The following THRB variants were observed in gnomAD, a reference collection of about 807,000 sequenced individuals.
THRB encodes the protein nuclear receptor subfamily 1 group A member 2.
THRB carries 12 observed loss-of-function variants against 47.8 expected under a neutral mutation model. The ratio of observed to expected loss-of-function variants is 0.25; its 90% CI spans 0.16 to 0.41. The LOEUF (loss-of-function observed/expected upper bound fraction) is 0.41, where lower values mean the gene tolerates loss of function less well. Among genes scored for constraint, THRB ranks in the 10% least tolerant of loss-of-function variants. The pLI, the probability that THRB is intolerant of heterozygous loss-of-function variation, is 1.00. For synonymous variants in THRB, 218 were observed against 212.2 expected (o/e 1.03, Z -0.24); for missense variants, 348 against 589.2 (o/e 0.59, Z 4.24).
At chr3:24,357,030 G>A (rs1166640019) in intron 1 of THRB, among the ~76,000 whole-genome samples, 6 of 151,652 alleles carry the variant, frequency 4.0e-5, no homozygotes, top group Non-Finnish European at 8.8e-5. Flanking sequence ...ACCTAGCCAT[G>A]ATTCTCGGTG....
chr3:24,181,641 A>C (rs2041908084), intron 5 of THRB, among the ~76,000 whole-genome samples: 1 of 152,222 alleles, frequency 6.6e-6, no homozygotes, highest in Non-Finnish European at 1.5e-5. Flanking sequence ...TTGTCTTTAG[A>C]GCCTTGACAA....
intron 1 of THRB, among the ~76,000 whole-genome samples, chr3:24,366,155 T>C (rs1026774601): frequency 2.6e-5 from 4 of 152,212 alleles, no homozygotes; most frequent in African/African-American, 9.6e-5. Context: ...AATACTACCC[T>C]ACCCAGTTCC....
In THRB at chr3:24,380,198, C is replaced by T. The variant is rs77919233; in HGVS notation, c.-260-42827G>A. Among the ~76,000 whole-genome samples the T allele has an allele frequency of 4.0e-4, 59 of 149,320 alleles. 1 individual carries two copies. In the East Asian group the frequency reaches 0.011, roughly 28 times the overall value. ...TGCAACCCCATCATCCTCTTTCTCC[C>T]TCTCTTCATTTTTCCTGCATACTAC... On this transcript the variant is annotated intron_variant, in intron 1 of 10. Transcript: ENST00000646209.
intron 5 of THRB, among the ~76,000 whole-genome samples, chr3:24,160,049 A>G (rs960350362): frequency 3.3e-5 from 5 of 152,116 alleles, no homozygotes; most frequent in Non-Finnish European, 5.9e-5. Flanking sequence ...TGGGTAATAG[A>G]AGAGGCTGGT....
rs376096408 is a variant in THRB at position 24,357,378 on chromosome 3, A to AC, written c.-260-20008_-260-20007insG. On this transcript the variant is annotated intron_variant, in intron 1 of 10. Transcript: ENST00000646209. ...AAAAAAAAAAAAAAAAAAAAAACAA[A>AC]AAACAAACAAACAAAAAAACACCAA... Among the ~76,000 whole-genome samples the AC allele has an allele frequency of 3.0e-4, 43 of 141,274 alleles. 1 individual carries two copies. The highest frequency in any genetic ancestry group is 1.2e-3 in the African/African-American group (41 of 33,706). The allele number at this position is 141,274 out of a possible 152,430, so 92.7% of individuals were successfully genotyped here.
At position 24,400,826 on chromosome 3, in the gene THRB, G is replaced by C. The variant is rs142580525; in HGVS notation, c.-260-63455C>G. On this transcript the variant is annotated intron_variant, in intron 1 of 10. Transcript: ENST00000646209. ...ACCTTTAATTTTACCTTATTGAGTT[G>C]CCCCTCAGAACTTTCACTGGGGGAC... is the stretch of plus-strand genomic sequence containing the variant. Among the ~76,000 whole-genome samples the C allele has an allele frequency of 6.9e-3, 1,056 of 152,094 alleles. 9 individuals are homozygous for C. Among genetic ancestry groups the C allele is most frequent in the African/African-American group, 0.024 (1,005 of 41,514 alleles).
chr3:24,386,570 C>T (rs1216878057), intron 1 of THRB, among the ~76,000 whole-genome samples: 1 of 152,088 alleles, frequency 6.6e-6, no homozygotes, highest in African/African-American at 2.4e-5. Flanking sequence ...ACCTCTCTAC[C>T]TTACGTTTTA....
In THRB at chr3:24,321,824, A is replaced by G. The variant is rs143306259; in HGVS notation, c.-189+15476T>C. Among the ~76,000 whole-genome samples the G allele has an allele frequency of 1.2e-4, 18 of 152,330 alleles. 2 individuals are homozygous for G. Among genetic ancestry groups the G allele is most frequent in the African/African-American group, 3.4e-4 (14 of 41,570 alleles). ...AGTTCAAATGAGATGTGCTATAAGT[A>G]TAAGATACACACTAGATTTTGAAGA... is the stretch of plus-strand genomic sequence containing the variant. On this transcript the variant is annotated intron_variant, in intron 2 of 10. Transcript: ENST00000646209.
chr3:24,335,031 A>G (rs1413715349), intron 2 of THRB, among the ~76,000 whole-genome samples: 1 of 152,208 alleles, frequency 6.6e-6, no homozygotes, highest in African/African-American at 2.4e-5. Context: ...AACAGATAAA[A>G]GTCCAGCTGC....
intron 3 of THRB, among the ~76,000 whole-genome samples, chr3:24,276,738 C>A (rs770236141): frequency 4.6e-5 from 7 of 152,126 alleles, no homozygotes; most frequent in Non-Finnish European, 8.8e-5. Context: ...CTATAACAGA[C>A]GTGGAGTAAG....
At position 24,209,648 on chromosome 3, in the gene THRB, A is replaced by G. The variant is rs187163743; in HGVS notation, c.22+19290T>C. 4.5e-3 allele frequency among the ~76,000 whole-genome samples: 680 copies of G among 152,274 alleles called. 6 individuals are homozygous for G. Among genetic ancestry groups the G allele is most frequent in the Non-Finnish European group, 4.8e-3 (328 of 68,008 alleles). ...AATGAGTACACTCGGACACAGGAAG[A>G]GGAACATCACACACCAGGGCCTGTC... On this transcript the variant is annotated intron_variant, in intron 4 of 10. Transcript: ENST00000646209.
intron 3 of THRB, among the ~76,000 whole-genome samples, chr3:24,272,767 A>T (rs940427149): frequency 2.6e-5 from 4 of 152,066 alleles, no homozygotes; most frequent in Non-Finnish European, 5.9e-5. Context: ...TGACCATATA[A>T]ATCATTTCAG....
chr3:24,448,202 C>T (rs1220559479), intron 1 of THRB, among the ~76,000 whole-genome samples: 1 of 152,066 alleles, frequency 6.6e-6, no homozygotes, highest in East Asian at 1.9e-4. Flanking sequence ...TCTTGGTTTT[C>T]ACTGGCGATT....
chr3:24,283,873 G>C (rs2150876718), intron 3 of THRB, among the ~76,000 whole-genome samples: 1 of 149,514 alleles, frequency 6.7e-6, no homozygotes, highest in Non-Finnish European at 1.5e-5. Flanking sequence ...CAACTTACAA[G>C]GGATGTGAAG....
chr3:24,195,448 T>C (rs2043846310), intron 4 of THRB, among the ~76,000 whole-genome samples: 1 of 152,224 alleles, frequency 6.6e-6, no homozygotes, highest in Non-Finnish European at 1.5e-5. Flanking sequence ...GAAATTGTAC[T>C]TACTACCTCA....
At chr3:24,434,335 C>T (rs1290979902) in intron 1 of THRB, among the ~76,000 whole-genome samples, 3 of 152,150 alleles carry the variant, frequency 2.0e-5, no homozygotes, top group African/African-American at 7.2e-5. Context: ...ACTGGCCATC[C>T]TCACTAAGTG....
intron 3 of THRB, among the ~76,000 whole-genome samples, chr3:24,273,228 C>A (rs1486198732): frequency 6.6e-6 from 1 of 152,156 alleles, no homozygotes; most frequent in Non-Finnish European, 1.5e-5. Context: ...TGTTAACTTG[C>A]AAATCTTTCA....
intron 4 of THRB, among the ~76,000 whole-genome samples, chr3:24,214,522 G>A (rs1425482930): frequency 6.6e-6 from 1 of 152,210 alleles, no homozygotes; most frequent in Non-Finnish European, 1.5e-5. Flanking sequence ...AGGAGTCAAA[G>A]AGCACCGAAG....
chr3:24,359,101 G>A (rs768556867), intron 1 of THRB, among the ~76,000 whole-genome samples: 14 of 152,066 alleles, frequency 9.2e-5, no homozygotes, highest in Admixed American at 2.0e-4. Flanking sequence ...CTTTTATCAC[G>A]TCTGATGATT....
Sources: allele counts gnomAD v4.1 joint callset (sites outside exome capture counted in the v4.1 genomes callset), GRCh38; gene constraint gnomAD v4.1.1; transcripts MANE v1.5; gene names NCBI Gene and HGNC (gene_info 2026-07-23, HGNC 2026-07-21).